The following VWA3B variants were observed in gnomAD, a reference collection of about 807,000 sequenced individuals.
VWA3B encodes the protein von Willebrand factor A domain containing 3B, also known as von Willebrand factor A domain-containing protein 3B.
VWA3B carries 138 observed loss-of-function variants against 158.3 expected under a neutral mutation model. The ratio of observed to expected loss-of-function variants is 0.87; its 90% CI spans 0.76 to 1.00. The LOEUF (loss-of-function observed/expected upper bound fraction) is 1.00, where lower values mean the gene tolerates loss of function less well. Ranked by LOEUF, VWA3B falls within the 50% of genes least tolerant of loss-of-function variation. VWA3B has a pLI of 0.00. For synonymous variants in VWA3B, 596 were observed against 587.3 expected (o/e 1.01, Z -0.21); for missense variants, 1,555 against 1,565.1 (o/e 0.99, Z 0.11).
At chr2:98,241,752 C>T (rs934894351) in intron 19 of VWA3B, among the ~76,000 whole-genome samples, 27 of 152,120 alleles carry the variant, frequency 1.8e-4, no homozygotes, top group African/African-American at 6.5e-4. Context: ...GTGCTTGGTG[C>T]CTTCTGTGGC....
At position 98,121,015 on chromosome 2, in the gene VWA3B, T is replaced by C. The variant is rs542237635; in HGVS notation, c.543-284T>C. On this transcript the variant is annotated intron_variant, in intron 4 of 27. Transcript: ENST00000477737. ...GTTTATAAAAAATAACTTCTCTTAA[T>C]GTTTTAAAGGACTCATTATTAGTGT... Among the ~76,000 whole-genome samples, 42 of 152,384 alleles carry C rather than the reference T, an allele frequency of 2.8e-4. No homozygotes were observed. The Middle Eastern group carries it at 0.01, about 37-fold the overall frequency.
chr2:98,234,901 T>A (rs896085359), intron 17 of VWA3B, 134 bp downstream of exon 17: 1 of 1,341,016 alleles, frequency 7.5e-7, no homozygotes, highest in African/African-American at 1.5e-5. Context: ...TTCAAAGGAA[T>A]CCCTTGTAAG....
At position 98,141,539 on chromosome 2, in the gene VWA3B, G is replaced by T. The variant is rs185426425; in HGVS notation, c.988+7600G>T. On this transcript the variant is annotated intron_variant, in intron 7 of 27. Transcript: ENST00000477737. ...GGGAGGGCACCAAGTCATTCAGGAG[G>T]GATCTGCCCTTGTCACCCACACACC... Among the ~76,000 whole-genome samples the T allele has an allele frequency of 1.2e-4, 18 of 152,016 alleles. No homozygotes were observed. The East Asian group carries it at 3.5e-3, about 29-fold the overall frequency.
At chr2:98,166,420 G>C (rs546082107) in intron 8 of VWA3B, among the ~76,000 whole-genome samples, 26 of 152,280 alleles carry the variant, frequency 1.7e-4, no homozygotes, top group South Asian at 4.2e-4. Flanking sequence ...GATAGGATTG[G>C]TGTCTTTATA....
intron 25 of VWA3B, among the ~76,000 whole-genome samples, chr2:98,301,889 G>T (rs1690216751): frequency 6.6e-6 from 1 of 152,020 alleles, no homozygotes; most frequent in African/African-American, 2.4e-5. Flanking sequence ...TTCTCCTTCT[G>T]CCCTTTCTAT....
At chr2:98,169,746 TGTG>T (rs1679421115) in intron 8 of VWA3B, among the ~76,000 whole-genome samples, 4 of 151,756 alleles carry the variant, frequency 2.6e-5, no homozygotes, top group Middle Eastern at 3.4e-3. Flanking sequence ...TGTGTGTGTG[TGTG>T]TGTGTGTGTG....
At chr2:98,220,337 C>T (rs1016165980) in intron 14 of VWA3B, among the ~76,000 whole-genome samples, 1 of 152,018 alleles carries the variant, frequency 6.6e-6, no homozygotes, top group Non-Finnish European at 1.5e-5. Flanking sequence ...ATGATGCTAA[C>T]TGCATAGGTA....
chr2:98,251,963 G>A (rs923102342), intron 20 of VWA3B, among the ~76,000 whole-genome samples: 1 of 152,152 alleles, frequency 6.6e-6, no homozygotes, highest in Non-Finnish European at 1.5e-5. Flanking sequence ...TGGGAAGCAG[G>A]ATGAGCTATT....
intron 2 of VWA3B, among the ~76,000 whole-genome samples, chr2:98,115,328 A>T (rs1203670471): frequency 1.3e-5 from 2 of 152,186 alleles, no homozygotes; most frequent in Non-Finnish European, 2.9e-5. Flanking sequence ...TAGCATTAGG[A>T]GAAATACCTA....
At chr2:98,318,823 G>A in the VWA3B span, among the ~76,000 whole-genome samples, 13 of 152,170 alleles carry the variant, frequency 8.5e-5, no homozygotes, top group African/African-American at 3.1e-4. Flanking sequence ...TCATCTATCT[G>A]TCAGTCTATC....
chr2:98,115,831 C>CCTG, intron 3 of VWA3B, 85 bp downstream of exon 3: 1 of 1,170,288 alleles, frequency 8.5e-7, no homozygotes, highest in Non-Finnish European at 1.2e-6. Context: ...GAGACTTGTG[C>CCTG]TGCTTGGCAG....
At position 98,250,343 on chromosome 2, in the gene VWA3B, A is replaced by G. The variant is rs1415119973; in HGVS notation, c.2699A>G (p.Asn900Ser). 6.2e-7 allele frequency: 1 copy of G among 1,613,116 alleles called. No homozygotes were observed. Among genetic ancestry groups the G allele is most frequent in the Non-Finnish European group, 8.5e-7 (1 of 1,179,740 alleles). ...DEVFPLAHVCNDTNKMTLINP... is the reference protein window; with the variant it reads ...DEVFPLAHVCSDTNKMTLINP... ...GTGTTCCCTCTGGCACATGTGTGCA[A>G]CGACACAAATAAGATGACATTAATT... The change falls in exon 20 of 28, where the codon AAC (asparagine) becomes AGC (serine). Residue 900 changes from asparagine to serine, a missense_variant. Asn to Ser is a conservative substitution (Grantham distance 46). Coordinates refer to ENST00000477737, the MANE Select transcript of VWA3B (RefSeq NM_144992.5).
the VWA3B span, among the ~76,000 whole-genome samples, chr2:98,327,794 C>T: frequency 6.6e-6 from 1 of 152,152 alleles, no homozygotes; most frequent in Non-Finnish European, 1.5e-5. Flanking sequence ...AATTTTTGCA[C>T]ATCCAATTAT....
At chr2:98,202,728 CT>C (rs1484793644) in intron 12 of VWA3B, among the ~76,000 whole-genome samples, 1 of 152,018 alleles carries the variant, frequency 6.6e-6, no homozygotes, top group Non-Finnish European at 1.5e-5. Context: ...TCCCCGTGTC[CT>C]TTTTTCTAGA....
chr2:98,129,356 GAGAGAGAC>G (rs1053592084), intron 6 of VWA3B, among the ~76,000 whole-genome samples: 21 of 151,954 alleles, frequency 1.4e-4, no homozygotes, highest in African/African-American at 3.6e-4. Context: ...CGGAGAAAGA[GAGAGAGAC>G]AGAGAGACAG....
chr2:98,256,199 CTTT>C, intron 21 of VWA3B, 25 bp downstream of exon 21: 2 of 1,412,658 alleles, frequency 1.4e-6, no homozygotes, highest in South Asian at 2.6e-5. Flanking sequence ...TCCCTCCTCA[CTTT>C]TTTTTTTTGG....
intron 5 of VWA3B, among the ~76,000 whole-genome samples, chr2:98,123,081 C>T (rs909326257): frequency 9.9e-5 from 15 of 152,176 alleles, no homozygotes; most frequent in Non-Finnish European, 1.8e-4. Context: ...TTAAAAAACA[C>T]ATGTGTGTGT....
At chr2:98,183,598 G>A (rs140747059) in intron 9 of VWA3B, among the ~76,000 whole-genome samples, 1 of 152,264 alleles carries the variant, frequency 6.6e-6, no homozygotes, top group African/African-American at 2.4e-5. Context: ...ACGGTTGCTT[G>A]AGCTCATGCA....
chr2:98,093,245 C>A lies in VWA3B; in HGVS notation c.153C>A (p.Thr51=). The change falls in exon 2 of 28, where the codon ACC becomes ACA. Residue 51 remains threonine, a synonymous_variant. Coordinates refer to ENST00000477737, the MANE Select transcript of VWA3B (RefSeq NM_144992.5). ...ATGGGCTTAAGAGCAACAAATTGAC[C>A]TTGAAACAGATTTTGTCACAGATCG... is the stretch of plus-strand genomic sequence containing the variant. ...QLHGLKSNKL[T]LKQILSQIGF... is the part of the protein sequence containing the mutation. 1 of 1,614,062 alleles carries A rather than the reference C, an allele frequency of 6.2e-7. No homozygotes were observed.
Sources: gnomAD v4.1 joint callset for allele counts (sites outside exome capture counted in the v4.1 genomes callset) on GRCh38, gnomAD v4.1.1 for gene constraint, MANE v1.5 for transcripts, NCBI Gene and HGNC (gene_info 2026-07-23, HGNC 2026-07-21) for gene names.